The following THSD7B variants were observed in gnomAD, a reference collection of about 807,000 sequenced individuals.
The protein encoded by THSD7B is thrombospondin type-1 domain-containing protein 7B.
THSD7B carries 138 observed loss-of-function variants against 213.6 expected under a neutral mutation model. That is an observed-to-expected ratio of 0.65 (90% CI 0.56 to 0.74). THSD7B has a LOEUF of 0.74. THSD7B is among the 30% of genes least tolerant of loss of function. The probability of loss-of-function intolerance (pLI) is 0.00; values close to 1 mark genes in which losing one functional copy is unlikely to be tolerated. For missense variants in THSD7B, 1,931 were observed against 1,991.5 expected (o/e 0.97, Z 0.58); for synonymous variants, 742 against 687.0 (o/e 1.08, Z -1.25).
chr2:137,210,351 A>G (rs921525488), intron 7 of THSD7B, among the ~76,000 whole-genome samples: 45 of 152,108 alleles, frequency 3.0e-4, no homozygotes, highest in Admixed American at 2.7e-3. Flanking sequence ...AATATTAAAA[A>G]TTCTGTCATG....
chr2:137,429,155 T>C (rs1382871112), intron 14 of THSD7B, among the ~76,000 whole-genome samples: 1 of 152,154 alleles, frequency 6.6e-6, no homozygotes, highest in Non-Finnish European at 1.5e-5. Flanking sequence ...TAGTGGTTGC[T>C]TAGGACTGGA....
Position 137,374,722 on chromosome 2 carries a change from A to G in THSD7B, c.2501-30891A>G, listed in dbSNP as rs187234764. On this transcript the variant is annotated intron_variant, in intron 12 of 27. Transcript: ENST00000409968. Reference sequence around the variant, plus strand: ...GCTAATCTTGCAAGTTCTCAATAGAACCACAGATTACAACAATACACATAA... The same window carrying G: ...GCTAATCTTGCAAGTTCTCAATAGAGCCACAGATTACAACAATACACATAA... Among the ~76,000 whole-genome samples, 5 of 152,324 alleles carry G rather than the reference A, an allele frequency of 3.3e-5. No individual in the cohort carries two copies. In the East Asian group the frequency reaches 9.6e-4, roughly 29 times the overall value.
chr2:137,579,316 G>A (rs1681526348), intron 17 of THSD7B, among the ~76,000 whole-genome samples: 1 of 152,168 alleles, frequency 6.6e-6, no homozygotes, highest in Non-Finnish European at 1.5e-5. Context: ...GCCTTACACT[G>A]AGACATTGGT....
At chr2:137,250,474 T>G (rs1483144031) in intron 10 of THSD7B, among the ~76,000 whole-genome samples, 1 of 152,172 alleles carries the variant, frequency 6.6e-6, no homozygotes, top group East Asian at 1.9e-4. Flanking sequence ...TTGAAAGAAT[T>G]ATTACTCTAT....
chr2:137,309,660 C>A lies in THSD7B; in HGVS notation c.2500+33634C>A, dbSNP rs563140527. Among the ~76,000 whole-genome samples the A allele has an allele frequency of 2.8e-4, 43 of 152,156 alleles. No individual in the cohort carries two copies. In the East Asian group the frequency reaches 8.1e-3, roughly 29 times the overall value. On this transcript the variant is annotated intron_variant, in intron 12 of 27. Transcript: ENST00000409968. ...TCCCAATGCTATCCCTACCCCTACCCCCACCCCACAACAGTCCCCAGAGTG... is the reference window on the plus strand; with the variant it reads ...TCCCAATGCTATCCCTACCCCTACCACCACCCCACAACAGTCCCCAGAGTG...
chr2:137,670,810 AC>A (rs1257302457), intron 27 of THSD7B, among the ~76,000 whole-genome samples: 1 of 151,048 alleles, frequency 6.6e-6, no homozygotes, highest in African/African-American at 2.4e-5. Flanking sequence ...AGTCCCAGCT[AC>A]TCCGGAGGCT....
chr2:137,347,555 AT>A (rs5834547), intron 12 of THSD7B, among the ~76,000 whole-genome samples: 57,290 of 135,330 alleles, frequency 0.42, 11,855 homozygotes, highest in South Asian at 0.58. Flanking sequence ...ACTGATATTG[AT>A]TTTTTTTTTT....
chr2:137,173,343 T>C (rs527949114), intron 7 of THSD7B, among the ~76,000 whole-genome samples: 1 of 152,336 alleles, frequency 6.6e-6, no homozygotes, highest in South Asian at 2.1e-4. Flanking sequence ...ATTGGTTTGG[T>C]TGGAACCCAG....
chr2:137,373,719 A>C (rs1685587698), intron 12 of THSD7B, among the ~76,000 whole-genome samples: 1 of 152,096 alleles, frequency 6.6e-6, no homozygotes, highest in Non-Finnish European at 1.5e-5. Context: ...TCGATTTGTC[A>C]ATTTTGGCTT....
At chr2:136,849,177 C>A (rs540672212) in intron 1 of THSD7B, among the ~76,000 whole-genome samples, 2 of 152,232 alleles carry the variant, frequency 1.3e-5, no homozygotes, top group South Asian at 4.1e-4. Flanking sequence ...TTTGTCTTTG[C>A]TTACATCAAT....
intron 12 of THSD7B, among the ~76,000 whole-genome samples, chr2:137,299,396 G>A (rs899164556): frequency 6.6e-6 from 1 of 152,058 alleles, no homozygotes; most frequent in African/African-American, 2.4e-5. Context: ...ATGGACTTTT[G>A]AGTTAATGCT....
At chr2:137,149,639 GA>G (rs1653632474) in intron 5 of THSD7B, among the ~76,000 whole-genome samples, 1 of 152,212 alleles carries the variant, frequency 6.6e-6, no homozygotes, top group Non-Finnish European at 1.5e-5. Flanking sequence ...ACCTGGACAT[GA>G]GACATGGAGT....
intron 4 of THSD7B, among the ~76,000 whole-genome samples, chr2:137,109,329 T>C (rs1002072458): frequency 6.6e-6 from 1 of 152,238 alleles, no homozygotes; most frequent in Non-Finnish European, 1.5e-5. Context: ...TCTGGCCCAG[T>C]GTTCAAGCTT....
At chr2:136,816,542 T>C (rs958750598) in intron 1 of THSD7B, among the ~76,000 whole-genome samples, 5 of 152,252 alleles carry the variant, frequency 3.3e-5, no homozygotes, top group South Asian at 2.1e-4. Context: ...TTTTGAGTTT[T>C]TGTTTTATTT....
chr2:137,603,192 T>C (rs867053405), intron 17 of THSD7B, among the ~76,000 whole-genome samples: 6 of 152,328 alleles, frequency 3.9e-5, no homozygotes, highest in Middle Eastern at 6.8e-3. Context: ...CACTTTGTAT[T>C]TGTAGAATGC....
chr2:136,997,724 T>C (rs1405293463), intron 2 of THSD7B, among the ~76,000 whole-genome samples: 1 of 152,114 alleles, frequency 6.6e-6, no homozygotes, highest in Non-Finnish European at 1.5e-5. Context: ...AAATGCCTAG[T>C]CATAGAGAGG....
At chr2:136,815,706 GC>G (rs2104933637) in intron 1 of THSD7B, among the ~76,000 whole-genome samples, 1 of 152,198 alleles carries the variant, frequency 6.6e-6, no homozygotes, top group Non-Finnish European at 1.5e-5. Flanking sequence ...AACTTAGTAA[GC>G]AAATGGCCAA....
chr2:137,345,673 A>G (rs1170389730), intron 12 of THSD7B, among the ~76,000 whole-genome samples: 1 of 151,686 alleles, frequency 6.6e-6, no homozygotes, highest in Non-Finnish European at 1.5e-5. Context: ...TTAAAGAAAG[A>G]AAAATAGCTG....
At chr2:137,069,323 C>T (rs1687436749) in intron 3 of THSD7B, among the ~76,000 whole-genome samples, 1 of 151,836 alleles carries the variant, frequency 6.6e-6, no homozygotes, top group Non-Finnish European at 1.5e-5. Flanking sequence ...TTTGTTTCAC[C>T]TTGTTTCCTT....
Sources: allele counts gnomAD v4.1 joint callset (sites outside exome capture counted in the v4.1 genomes callset), GRCh38; gene constraint gnomAD v4.1.1; transcripts MANE v1.5; gene names NCBI Gene and HGNC (gene_info 2026-07-23, HGNC 2026-07-21).